ADAMTS9: variants seen among roughly 807,000 people sequenced by gnomAD.
ADAMTS9 encodes ADAM metallopeptidase with thrombospondin type 1 motif 9.
Under a neutral mutation model 257.1 loss-of-function variants are expected in ADAMTS9, and 107 were observed. The observed-to-expected ratio is 0.42, with a 90% confidence interval of 0.36 to 0.49. The LOEUF is 0.49. ADAMTS9 is among the 20% of genes least tolerant of loss of function. The probability of loss-of-function intolerance (pLI) is 0.03; values close to 1 mark genes in which losing one functional copy is unlikely to be tolerated. For synonymous variants in ADAMTS9, 982 were observed against 880.9 expected (o/e 1.11, Z -2.03); for missense variants, 2,353 against 2,469.1 (o/e 0.95, Z 1.00).
rs1701748761 is a variant in ADAMTS9, at chr3:64,681,299, T to C, written c.581A>G (p.Gln194Arg). The C allele has an allele frequency of 6.2e-7, 1 of 1,614,080 alleles. No individual in the cohort carries two copies. Among genetic ancestry groups the C allele is most frequent in the Non-Finnish European group, 8.5e-7 (1 of 1,179,964 alleles). The change falls in exon 3 of 40, where the codon CAA becomes CGA. Residue 194 changes from glutamine to arginine, a missense_variant. Around this residue, in one of 3 missense-constraint regions of ADAMTS9, gnomAD observed 591 missense variants for 569.6 expected, o/e 1.04. Transcript: ENST00000498707. The part of the protein sequence containing the change: ...FIEPLQSMDE[Q>R]EDEEEQNKPH... ...TTTGTTTTGTTCCTCTTCATCTTCT[T>C]GTTCATCCATAGACTGTAGTGGTTC...
At position 64,546,769 on chromosome 3, in the gene ADAMTS9, T is replaced by G. The variant is rs764214781; in HGVS notation, c.5053A>C (p.Asn1685His). The change falls in exon 32 of 40, where the codon AAC (asparagine) becomes CAC (histidine). Residue 1685 changes from asparagine (N) to histidine (H), a missense_variant. Asn to His is a moderately conservative substitution (Grantham distance 68). Coordinates refer to ENST00000498707, the MANE Select transcript of ADAMTS9 (RefSeq NM_182920.2). ...CPVSATWRVG[N>H]WGSCSVSCGV... is the part of the protein sequence containing the mutation. Reference sequence around the variant, plus strand: ...AGTCTTCTACTTACGCTCCCCCAGTTGCCAACTCTCCAGGTGGCCGAGACA... The same window carrying G: ...AGTCTTCTACTTACGCTCCCCCAGTGGCCAACTCTCCAGGTGGCCGAGACA... 4.4e-6 allele frequency: 7 copies of G among 1,603,334 alleles called. No individual in the cohort carries two copies. Among genetic ancestry groups the G allele is most frequent in the Non-Finnish European group, 6.0e-6 (7 of 1,175,380 alleles).
At position 64,605,514 on chromosome 3, in the gene ADAMTS9, T is replaced by G. The variant is rs1263885725; in HGVS notation, c.3475-1183A>C. Among the ~76,000 whole-genome samples, 5 of 152,314 alleles carry G rather than the reference T, an allele frequency of 3.3e-5. No individual in the cohort carries two copies. The East Asian group carries it at 9.6e-4, about 29-fold the overall frequency. On this transcript the variant is annotated intron_variant, in intron 23 of 39. Coordinates refer to ENST00000498707, the MANE Select transcript of ADAMTS9 (RefSeq NM_182920.2). Reference sequence around the variant, plus strand: ...CAACACACTTTGAAAGGCAGCAGATTGAGGGTGTTCAGGATGGAGATAGTA... The same window carrying G: ...CAACACACTTTGAAAGGCAGCAGATGGAGGGTGTTCAGGATGGAGATAGTA...
chr3:64,541,857 G>A lies in ADAMTS9; in HGVS notation c.5178C>T (p.Thr1726=), dbSNP rs1334863117. Residue 1726 remains threonine (T), a synonymous_variant, in exon 33 of 40, where the codon ACC becomes ACT. Coordinates refer to ENST00000498707, the MANE Select transcript of ADAMTS9 (RefSeq NM_182920.2). ...HTDLKPEERK[T]CRNVYNCELP... is the part of the protein sequence containing the mutation. ...ACTTACAGTTATAGACATTACGGCA[G>A]GTTTTTCGTTCTTCTGGCTTCAGAT... is the stretch of plus-strand genomic sequence containing the variant. 1.9e-6 allele frequency: 3 copies of A among 1,614,094 alleles called. No individual in the cohort carries two copies. In the Admixed American group the frequency reaches 5.0e-5, roughly 27 times the overall value.
At chr3:64,566,810 T>A (rs6445412) in intron 29 of ADAMTS9, among the ~76,000 whole-genome samples, 15,136 of 151,302 alleles carry the variant, frequency 0.1, 2,467 homozygotes, top group African/African-American at 0.34. Context: ...CTAATTAGCG[T>A]GGTATCTTAA....
intron 28 of ADAMTS9, chr3:64,588,582 A>G: frequency 6.6e-6 from 1 of 151,930 alleles, no homozygotes; most frequent in Non-Finnish European, 1.5e-5. Flanking sequence ...CCACATTCCA[A>G]AGTTTCTATT....
At chr3:64,546,601 G>T (rs943892482) in intron 32 of ADAMTS9, among the ~76,000 whole-genome samples, 157 bp downstream of exon 32, 1 of 152,208 alleles carries the variant, frequency 6.6e-6, no homozygotes, top group Non-Finnish European at 1.5e-5. Flanking sequence ...TAAACAGAAA[G>T]AAGTCCCTTT....
Position 64,682,694 on chromosome 3 carries a change from AG to A in ADAMTS9, c.517-1332del, listed in dbSNP as rs553589137. 4.6e-5 allele frequency among the ~76,000 whole-genome samples: 7 copies of A among 152,342 alleles called. No individual in the cohort carries two copies. The South Asian group carries it at 1.2e-3, about 27-fold the overall frequency. On this transcript the variant is annotated intron_variant, in intron 2 of 39. Transcript: ENST00000498707. ...AGCTGCATCCGCATCAGCATCATCC[AG>A]GAGCTTATTAGAAATTCAAATAATT...
chr3:64,596,984 C>A lies in ADAMTS9; in HGVS notation c.4025G>T (p.Ser1342Ile), dbSNP rs1362642735. The change falls in exon 27 of 40, where the codon AGT (serine) becomes ATT (isoleucine). Residue 1342 changes from serine (S) to isoleucine (I), a missense_variant. Coordinates refer to ENST00000498707, the MANE Select transcript of ADAMTS9 (RefSeq NM_182920.2). ...WRTGPWGACS[S>I]TCAGGSQRRV... Reference sequence around the variant, plus strand: ...CCGCTGGGATCCGCCAGCACAGGTACTGGAACACTAAACACATCAGTCGAC... The same window carrying A: ...CCGCTGGGATCCGCCAGCACAGGTAATGGAACACTAAACACATCAGTCGAC... 1 of 1,613,850 alleles carries A rather than the reference C, an allele frequency of 6.2e-7. No individual in the cohort carries two copies. The highest frequency in any genetic ancestry group is 1.7e-5 in the Admixed American group (1 of 59,996).
intron 30 of ADAMTS9, among the ~76,000 whole-genome samples, chr3:64,557,259 G>T (rs1049219548): frequency 1.1e-4 from 17 of 152,102 alleles, no homozygotes; most frequent in African/African-American, 4.1e-4. Flanking sequence ...AACACATGCA[G>T]GACCTGTGAG....
intron 37 of ADAMTS9, among the ~76,000 whole-genome samples, chr3:64,536,207 G>C (rs1220345126): frequency 1.3e-5 from 2 of 152,152 alleles, no homozygotes; most frequent in African/African-American, 4.8e-5. Context: ...TTCTCCTTCT[G>C]CCCTTTCCAG....
chr3:64,539,290 A>G lies in ADAMTS9; in HGVS notation c.5526T>C (p.Thr1842=). Residue 1842 remains threonine, a synonymous_variant, in exon 37 of 40, where the codon ACT becomes ACC. Coordinates refer to ENST00000498707, the MANE Select transcript of ADAMTS9 (RefSeq NM_182920.2). ...IDLTSMQIIT[T]DLQFARTSEG... is the part of the protein sequence containing the mutation. ...CGCTTGTCCTTGCAAACTGTAAGTC[A>G]GTGGCTGTGGGGTGGAGAAGGGGTT... 6.2e-7 allele frequency: 1 copy of G among 1,613,920 alleles called. No homozygotes were observed. The highest frequency in any genetic ancestry group is 8.5e-7 in the Non-Finnish European group (1 of 1,179,844).
At chr3:64,664,185 C>T (rs567053763) in intron 3 of ADAMTS9, among the ~76,000 whole-genome samples, 2 of 152,260 alleles carry the variant, frequency 1.3e-5, no homozygotes, top group Admixed American at 6.5e-5. Context: ...TTTCACTGTC[C>T]TGGAAAGCAC....
At chr3:64,522,312 G>T in intron 38 of ADAMTS9, 52 bp from the exon 39 acceptor site, 1 of 1,529,952 alleles carries the variant, frequency 6.5e-7, no homozygotes, top group Non-Finnish European at 9.1e-7. Flanking sequence ...TGCTTTCAGG[G>T]CCTGCACTGG....
In ADAMTS9 at chr3:64,602,165, C is replaced by T. The variant is rs2106809831; in HGVS notation, c.3796G>A (p.Val1266Ile). The change falls in exon 26 of 40, where the codon GTC becomes ATC. Residue 1266 changes from valine to isoleucine, a missense_variant. By Grantham distance (29) the Val-to-Ile change is conservative. This residue lies in a region of ADAMTS9 where 1,402 missense variants were observed against 1,441.4 expected (regional missense o/e 0.97). Transcript: ENST00000498707. The stretch of plus-strand genomic sequence containing the variant: ...TCGATCACGTGGTCACTGTAGTTGA[C>T]ACACATCACTTGCCGGGTTGCCCTA... ...QGRATRQVMC[V>I]NYSDHVIDRS... 6.2e-7 allele frequency: 1 copy of T among 1,614,092 alleles called. No homozygotes were observed. Among genetic ancestry groups the T allele is most frequent in the Non-Finnish European group, 8.5e-7 (1 of 1,179,984 alleles).
At chr3:64,655,922 A>G (rs368745309) in intron 4 of ADAMTS9, 47 bp from the exon 5 acceptor site, 33 of 1,249,200 alleles carry the variant, frequency 2.6e-5, no homozygotes, top group Non-Finnish European at 2.7e-5. Context: ...ACTCCGTGTA[A>G]GCAATAAGCA....
intron 31 of ADAMTS9, 173 bp downstream of exon 31, chr3:64,550,719 G>C: frequency 1.4e-6 from 1 of 716,986 alleles, no homozygotes; most frequent in Non-Finnish European, 2.2e-6. Flanking sequence ...TTGCATACAA[G>C]GAATTCTAGC....
At chr3:64,548,641 GC>G (rs1168944604) in intron 31 of ADAMTS9, among the ~76,000 whole-genome samples, 3 of 152,084 alleles carry the variant, frequency 2.0e-5, no homozygotes, top group African/African-American at 7.2e-5. Context: ...ATGGAACTGA[GC>G]CCCAAATATG....
At position 64,654,372 on chromosome 3, in the gene ADAMTS9, C is replaced by T. The variant is rs1442042147; in HGVS notation, c.1297G>A (p.Ala433Thr). The change falls in exon 8 of 40, where the codon GCC becomes ACC. Residue 433 changes from alanine (A) to threonine (T), a missense_variant. Transcript: ENST00000498707. ...DSGLSTAFTIAHELGHVFNMP... is the reference protein window; with the variant it reads ...DSGLSTAFTITHELGHVFNMP... ...ACTCACACATGGCCCAGCTCATGGG[C>T]GATCGTAAAAGCTGTACTCAATCCA... The T allele has an allele frequency of 8.1e-6, 13 of 1,613,836 alleles. No individual in the cohort carries two copies. The highest frequency in any genetic ancestry group is 1.3e-5 in the African/African-American group (1 of 75,012).
chr3:64,574,595 T>A (rs564986886), intron 28 of ADAMTS9, among the ~76,000 whole-genome samples: 1 of 149,018 alleles, frequency 6.7e-6, no homozygotes, highest in East Asian at 2.0e-4. Context: ...TAGCTGGGCA[T>A]GGTGATGCAC....
Sources: gnomAD v4.1 joint callset for allele counts (sites outside exome capture counted in the v4.1 genomes callset) on GRCh38, gnomAD v4.1.1 for gene constraint, gnomAD v4.1.1 regional missense constraint, MANE v1.5 for transcripts, NCBI Gene and HGNC (gene_info 2026-07-23, HGNC 2026-07-21) for gene names.